The following DNM3 variants were observed in gnomAD, a reference collection of about 807,000 sequenced individuals.
DNM3 encodes the protein dynamin-3.
A neutral mutation model predicts 101.6 loss-of-function variants in DNM3; 47 were observed. The observed-to-expected ratio is 0.46, with a 90% confidence interval of 0.37 to 0.59. The LOEUF (loss-of-function observed/expected upper bound fraction) is 0.59, where lower values mean the gene tolerates loss of function less well. DNM3 is among the 20% of genes least tolerant of loss of function. The probability of loss-of-function intolerance (pLI) is 0.00; values close to 1 mark genes in which losing one functional copy is unlikely to be tolerated. For synonymous variants in DNM3, 385 were observed against 387.9 expected (o/e 0.99, Z 0.09); for missense variants, 849 against 1,085.7 (o/e 0.78, Z 3.06).
intron 11 of DNM3, among the ~76,000 whole-genome samples, chr1:172,078,339 G>T (rs559401642): frequency 6.6e-6 from 1 of 152,038 alleles, no homozygotes; most frequent in Non-Finnish European, 1.5e-5. Flanking sequence ...TGATCTGCCC[G>T]CCTTGGCCTC....
intron 10 of DNM3, among the ~76,000 whole-genome samples, chr1:172,061,549 G>A (rs1210605726): frequency 6.6e-6 from 1 of 151,622 alleles, no homozygotes; most frequent in Non-Finnish European, 1.5e-5. Flanking sequence ...TCCTTTGTAG[G>A]GACATGGATG....
chr1:171,906,265 C>T (rs934372658), intron 1 of DNM3, among the ~76,000 whole-genome samples: 2 of 151,502 alleles, frequency 1.3e-5, no homozygotes, highest in African/African-American at 4.9e-5. Flanking sequence ...ATAGTTGGGA[C>T]CAAAGGCACG....
At chr1:172,321,023 A>G (rs2065688992) in intron 16 of DNM3, among the ~76,000 whole-genome samples, 1 of 152,152 alleles carries the variant, frequency 6.6e-6, no homozygotes, top group African/African-American at 2.4e-5. Flanking sequence ...GAAGTGAATC[A>G]CCCTGGAACT....
chr1:172,279,014 G>A (rs2063389431), intron 15 of DNM3, among the ~76,000 whole-genome samples: 1 of 152,058 alleles, frequency 6.6e-6, no homozygotes, highest in South Asian at 2.1e-4. Flanking sequence ...GCATAATCTT[G>A]CCAGACTGTA....
intron 14 of DNM3, among the ~76,000 whole-genome samples, chr1:172,187,087 C>T (rs2059553285): frequency 6.6e-6 from 1 of 152,098 alleles, no homozygotes; most frequent in Admixed American, 6.6e-5. Context: ...TGGAGGGAAC[C>T]TCACAACTTT....
downstream of DNM3, among the ~76,000 whole-genome samples, chr1:172,413,997 G>GTAAT (rs1390479434): frequency 1.3e-5 from 2 of 152,180 alleles, no homozygotes; most frequent in African/African-American, 2.4e-5. Flanking sequence ...GTTTCTAAAG[G>GTAAT]TAATTTCCAA....
At chr1:172,145,314 CTG>C (rs1192499075) in intron 14 of DNM3, among the ~76,000 whole-genome samples, 1 of 151,094 alleles carries the variant, frequency 6.6e-6, no homozygotes, top group African/African-American at 2.5e-5. Flanking sequence ...GTCTGTCTGT[CTG>C]TCTGTCTGTC....
chr1:172,163,769 C>G (rs71637436), intron 14 of DNM3, among the ~76,000 whole-genome samples: 1,859 of 152,126 alleles, frequency 0.012, 16 homozygotes, highest in Non-Finnish European at 0.02. Flanking sequence ...TTTCACTTAG[C>G]ATGATGCCCT....
intron 1 of DNM3, among the ~76,000 whole-genome samples, chr1:171,914,693 CTTTTGGTCCATATAA>C (rs1316495794): frequency 6.6e-6 from 1 of 152,148 alleles, no homozygotes; most frequent in Admixed American, 6.5e-5. Flanking sequence ...CTTGCCTATT[CTTTTGGTCCATATAA>C]TGCCTTGTAG....
chr1:171,921,105 G>T (rs1027644355), intron 1 of DNM3, among the ~76,000 whole-genome samples: 7 of 141,640 alleles, frequency 4.9e-5, no homozygotes, highest in East Asian at 2.0e-4. Flanking sequence ...TTTTTGTAGG[G>T]TTTTTTTTTT....
Position 172,048,849 on chromosome 1 carries a change from T to C in DNM3, c.1335+99T>C, listed in dbSNP as rs1328565020. On this transcript the variant is annotated intron_variant, in intron 10 of 20. Transcript: ENST00000627582. ...TCTTTCCCTGACCCTCACTTTGTTA[T>C]AGATGTTGTGTGTTTGCCTACAGGG... 2.8e-6 allele frequency: 4 copies of C among 1,434,012 alleles called. No individual in the cohort carries two copies. The African/African-American group carries it at 4.3e-5, about 15-fold the overall frequency. 88.8% of individuals were successfully genotyped at this position (1,434,012 alleles called of 1,614,324 possible). A position where few individuals can be genotyped will look rare whatever the true frequency, so the allele number is the denominator to read the frequency against.
chr1:172,145,399 GCTCT>G (rs933426032), intron 14 of DNM3, among the ~76,000 whole-genome samples: 1 of 98,126 alleles, frequency 1.0e-5, no homozygotes, highest in Non-Finnish European at 1.9e-5. Context: ...CTTCCCTCCC[GCTCT>G]CTCTCTCTTT....
intron 16 of DNM3, among the ~76,000 whole-genome samples, chr1:172,321,276 C>A (rs2065703294): frequency 6.6e-6 from 1 of 151,706 alleles, no homozygotes; most frequent in Admixed American, 6.6e-5. Context: ...GCTGATGACC[C>A]CTCATATGCA....
chr1:172,054,495 A>G (rs1377183184), intron 10 of DNM3, among the ~76,000 whole-genome samples: 1 of 152,176 alleles, frequency 6.6e-6, no homozygotes, highest in Non-Finnish European at 1.5e-5. Flanking sequence ...AAGCACTGAG[A>G]GGAACATCTT....
At chr1:172,326,256 T>C (rs567244269) in intron 17 of DNM3, among the ~76,000 whole-genome samples, 1 of 152,182 alleles carries the variant, frequency 6.6e-6, no homozygotes, top group South Asian at 2.1e-4. Context: ...AAATTTTCCT[T>C]CCAGGCCTGT....
intron 14 of DNM3, among the ~76,000 whole-genome samples, chr1:172,158,625 A>G (rs906285587): frequency 6.6e-6 from 1 of 152,076 alleles, no homozygotes; most frequent in Non-Finnish European, 1.5e-5. Flanking sequence ...AGATGTTTCT[A>G]GTCAATAGAA....
chr1:172,252,997 A>C (rs1173063694), intron 14 of DNM3, among the ~76,000 whole-genome samples: 3 of 152,130 alleles, frequency 2.0e-5, no homozygotes, highest in Non-Finnish European at 4.4e-5. Flanking sequence ...CAAATGAGCA[A>C]GTACTTTTTA....
intron 18 of DNM3, among the ~76,000 whole-genome samples, chr1:172,380,318 T>C (rs1407372116): frequency 6.6e-6 from 1 of 152,088 alleles, no homozygotes; most frequent in African/African-American, 2.4e-5. Context: ...TAAATAGCCC[T>C]TGTTCATATT....
chr1:172,244,541 A>G (rs1294885382), intron 14 of DNM3, among the ~76,000 whole-genome samples: 1 of 151,288 alleles, frequency 6.6e-6, no homozygotes, highest in Admixed American at 6.6e-5. Flanking sequence ...AAAAGTGGGC[A>G]AAGGACATGA....
Sources: allele counts gnomAD v4.1 joint callset (sites outside exome capture counted in the v4.1 genomes callset), GRCh38; gene constraint gnomAD v4.1.1; transcripts MANE v1.5; gene names NCBI Gene and HGNC (gene_info 2026-07-23, HGNC 2026-07-21).